The following STPG2 variants were observed in gnomAD, a reference collection of about 807,000 sequenced individuals.
STPG2 encodes sperm-tail PG-rich repeat-containing protein 2.
Under a neutral mutation model 54.2 loss-of-function variants are expected in STPG2, and 56 were observed. That is an observed-to-expected ratio of 1.03 (90% CI 0.83 to 1.29). The LOEUF is 1.29. STPG2 is among the 50% of genes most tolerant of loss of function. The probability of loss-of-function intolerance (pLI) is 0.00; values close to 1 mark genes in which losing one functional copy is unlikely to be tolerated. For missense variants in STPG2, 596 were observed against 544.9 expected, an observed-to-expected ratio of 1.09 and a Z score of -0.93; for synonymous variants, 200 against 181.8, an observed-to-expected ratio of 1.10 and a Z score of -0.81.
At chr4:97,867,689 G>A (rs1024575489) in intron 8 of STPG2, among the ~76,000 whole-genome samples, 4 of 152,014 alleles carry the variant, frequency 2.6e-5, no homozygotes, top group African/African-American at 9.7e-5. Flanking sequence ...GTCCAGGACT[G>A]ATGCAGCAGT....
intron 10 of STPG2, among the ~76,000 whole-genome samples, chr4:97,701,296 C>T (rs1038894718): frequency 2.0e-5 from 3 of 152,066 alleles, no homozygotes; most frequent in African/African-American, 4.8e-5. Context: ...ACCCACTGGA[C>T]CCACTGTAAG....
At chr4:97,850,084 T>A (rs1729101373) in intron 8 of STPG2, among the ~76,000 whole-genome samples, 1 of 151,344 alleles carries the variant, frequency 6.6e-6, no homozygotes, top group Admixed American at 6.6e-5. Context: ...TGGAATACTA[T>A]GCAGCCATAA....
intron 7 of STPG2, among the ~76,000 whole-genome samples, chr4:97,951,658 A>G (rs764825622): frequency 6.6e-6 from 1 of 152,104 alleles, no homozygotes; most frequent in Non-Finnish European, 1.5e-5. Context: ...CGGTAGCAAC[A>G]TGCTCAGTGT....
At chr4:97,674,940 G>A (rs925912451) in intron 10 of STPG2, among the ~76,000 whole-genome samples, 4 of 152,030 alleles carry the variant, frequency 2.6e-5, no homozygotes, top group African/African-American at 9.7e-5. Context: ...ATTACCTAAG[G>A]TAAAGCCATG....
downstream of STPG2, among the ~76,000 whole-genome samples, chr4:97,556,730 A>G (rs570496988): frequency 2.6e-5 from 4 of 152,318 alleles, no homozygotes; most frequent in African/African-American, 9.6e-5. Context: ...ATAAAAAACT[A>G]TAATAATTTC....
intron 9 of STPG2, among the ~76,000 whole-genome samples, chr4:97,773,259 C>T (rs1415834995): frequency 6.6e-6 from 1 of 151,864 alleles, no homozygotes; most frequent in Non-Finnish European, 1.5e-5. Context: ...GGATTCAAAA[C>T]CAAATTACAT....
intron 8 of STPG2, among the ~76,000 whole-genome samples, chr4:97,846,909 C>T (rs1426547969): frequency 6.6e-6 from 1 of 152,064 alleles, no homozygotes; most frequent in Non-Finnish European, 1.5e-5. Context: ...ATAACTTGTT[C>T]TAGCTGTTAT....
intron 5 of STPG2, chr4:98,025,823 G>C: frequency 6.3e-7 from 1 of 1,594,086 alleles, no homozygotes; most frequent in East Asian, 2.2e-5. Flanking sequence ...CTGCTATTTG[G>C]ATGCAGGCCT....
intron 9 of STPG2, among the ~76,000 whole-genome samples, chr4:97,729,221 G>A (rs1724720876): frequency 6.6e-6 from 1 of 151,178 alleles, no homozygotes. Context: ...ATCAACTTTT[G>A]GAGGAGCTTT....
chr4:97,946,010 A>G (rs1733202535), intron 7 of STPG2, among the ~76,000 whole-genome samples: 1 of 152,162 alleles, frequency 6.6e-6, no homozygotes, highest in East Asian at 1.9e-4. Context: ...AGTGAGCCAT[A>G]ATCACACTAC....
intron 5 of STPG2, among the ~76,000 whole-genome samples, chr4:97,995,210 G>T (rs560363212): frequency 7.6e-6 from 1 of 131,284 alleles, no homozygotes; most frequent in Non-Finnish European, 1.5e-5. Flanking sequence ...TTATTTCCAG[G>T]AAGCCAGTGA....
At chr4:97,968,467 G>C (rs749980917) in intron 7 of STPG2, among the ~76,000 whole-genome samples, 5 of 152,088 alleles carry the variant, frequency 3.3e-5, no homozygotes, top group African/African-American at 1.2e-4. Context: ...ACCAAAGCCT[G>C]GCAGAGACAC....
chr4:98,036,290 G>T (rs1736776519), intron 5 of STPG2, among the ~76,000 whole-genome samples: 2 of 151,894 alleles, frequency 1.3e-5, no homozygotes, highest in Non-Finnish European at 2.9e-5. Context: ...ATTCAACCCA[G>T]CAATCCCATT....
chr4:97,743,869 G>C (rs1375188352), intron 9 of STPG2, among the ~76,000 whole-genome samples: 1 of 151,490 alleles, frequency 6.6e-6, no homozygotes. Context: ...GTAGGATTTT[G>C]CTAAATAGGT....
chr4:97,679,018 T>G (rs1453710402), intron 10 of STPG2, among the ~76,000 whole-genome samples: 14 of 152,158 alleles, frequency 9.2e-5, no homozygotes, highest in Non-Finnish European at 1.5e-5. Flanking sequence ...CTTAATCCAG[T>G]CTATCATTGT....
At chr4:97,969,499 C>T (rs1005893400) in intron 7 of STPG2, among the ~76,000 whole-genome samples, 1 of 152,126 alleles carries the variant, frequency 6.6e-6, no homozygotes, top group Admixed American at 6.6e-5. Flanking sequence ...CAGTGACCCC[C>T]CTGGACCCAG....
intron 4 of STPG2, among the ~76,000 whole-genome samples, chr4:97,476,881 A>G (rs1366318083): frequency 1.3e-5 from 2 of 152,208 alleles, no homozygotes; most frequent in African/African-American, 4.8e-5. Flanking sequence ...GAATCAGTAA[A>G]TATTTACTGA....
At chr4:98,132,726 A>G (rs1740032180) in intron 2 of STPG2, among the ~76,000 whole-genome samples, 1 of 152,028 alleles carries the variant, frequency 6.6e-6, no homozygotes, top group African/African-American at 2.4e-5. Flanking sequence ...AAAGTTTACT[A>G]TTGACTGAGG....
At chr4:97,672,095 G>T (rs1316866141) in intron 10 of STPG2, among the ~76,000 whole-genome samples, 1 of 147,902 alleles carries the variant, frequency 6.8e-6, no homozygotes, top group Non-Finnish European at 1.5e-5. Flanking sequence ...TAAACAGAAG[G>T]TTTTCATTTC....
Sources: gnomAD v4.1 joint callset for allele counts (sites outside exome capture counted in the v4.1 genomes callset) on GRCh38, gnomAD v4.1.1 for gene constraint, MANE v1.5 for transcripts, NCBI Gene and HGNC (gene_info 2026-07-23, HGNC 2026-07-21) for gene names.